The following TOGARAM1 variants were observed in gnomAD, a reference collection of about 807,000 sequenced individuals.
TOGARAM1 encodes TOG array regulator of axonemal microtubules protein 1.
TOGARAM1 carries 100 observed loss-of-function variants against 166.6 expected under a neutral mutation model. That is an observed-to-expected ratio of 0.60 (90% CI 0.51 to 0.71). The LOEUF is 0.71. Among genes scored for constraint, TOGARAM1 ranks in the 30% least tolerant of loss-of-function variants. The pLI, the probability that TOGARAM1 is intolerant of heterozygous loss-of-function variation, is 0.00. For synonymous variants in TOGARAM1, 758 were observed against 763.8 expected (o/e 0.99, Z 0.13); for missense variants, 2,029 against 2,102.7 (o/e 0.96, Z 0.69).
chr14:45,001,830 A>G (rs891420047), intron 3 of TOGARAM1, among the ~76,000 whole-genome samples: 1 of 152,186 alleles, frequency 6.6e-6, no homozygotes, highest in Non-Finnish European at 1.5e-5. Context: ...CCTAAAAGCT[A>G]CCCTTTCAGA....
chr14:45,031,819 A>G (rs1347206611), intron 10 of TOGARAM1, among the ~76,000 whole-genome samples: 3 of 152,232 alleles, frequency 2.0e-5, no homozygotes, highest in South Asian at 2.1e-4. Flanking sequence ...TTTCCATAAT[A>G]AATATTCATC....
chr14:45,037,416 G>A (rs139643060), intron 11 of TOGARAM1, among the ~76,000 whole-genome samples: 167 of 152,234 alleles, frequency 1.1e-3, no homozygotes, highest in African/African-American at 3.4e-3. Context: ...ACACATTCAC[G>A]TATCAATCAC....
intron 7 of TOGARAM1, among the ~76,000 whole-genome samples, chr14:45,019,818 C>G (rs1412607353): frequency 6.6e-6 from 1 of 152,160 alleles, no homozygotes. Flanking sequence ...CTCAGTCCGC[C>G]CTCTCAACAG....
At chr14:45,054,401 G>A (rs1350120665) in intron 15 of TOGARAM1, 30 bp from the exon 16 acceptor site, 6 of 1,384,616 alleles carry the variant, frequency 4.3e-6, no homozygotes, top group Non-Finnish European at 5.0e-6. Context: ...TTTAAAATTT[G>A]TATTATACTA....
chr14:45,022,137 G>A (rs534022917), intron 7 of TOGARAM1, among the ~76,000 whole-genome samples: 5 of 152,036 alleles, frequency 3.3e-5, no homozygotes, highest in East Asian at 3.9e-4. Flanking sequence ...TGACATCTGC[G>A]ATAGTCCCTG....
chr14:44,969,804 A>G (rs1199729320), intron 1 of TOGARAM1, among the ~76,000 whole-genome samples: 1 of 152,196 alleles, frequency 6.6e-6, no homozygotes, highest in Non-Finnish European at 1.5e-5. Context: ...TGTTGACAAC[A>G]CTGTCTTTAC....
intron 7 of TOGARAM1, among the ~76,000 whole-genome samples, chr14:45,024,653 C>G (rs1880721551): frequency 6.6e-6 from 1 of 151,924 alleles, no homozygotes; most frequent in African/African-American, 2.4e-5. Context: ...ATTTTTTTCT[C>G]TTTGTCACAG....
chr14:45,017,406 A>AACACACACACAC (rs113544622), intron 7 of TOGARAM1, among the ~76,000 whole-genome samples: 41 of 145,240 alleles, frequency 2.8e-4, no homozygotes, highest in African/African-American at 9.7e-4. Flanking sequence ...ATGCACACAA[A>AACACACACACAC]ACACACACAC....
At chr14:44,980,395 G>A (rs957069262) in intron 1 of TOGARAM1, among the ~76,000 whole-genome samples, 1 of 152,180 alleles carries the variant, frequency 6.6e-6, no homozygotes, top group African/African-American at 2.4e-5. Flanking sequence ...AGGCCGGGCG[G>A]GTGGCTTACA....
At chr14:45,040,320 A>G (rs1233207311) in intron 11 of TOGARAM1, among the ~76,000 whole-genome samples, 3 of 152,238 alleles carry the variant, frequency 2.0e-5, no homozygotes, top group Non-Finnish European at 4.4e-5. Context: ...AAAGAGGAAT[A>G]TGTCACAGTA....
chr14:44,990,917 G>A (rs899974099), intron 1 of TOGARAM1, among the ~76,000 whole-genome samples: 7 of 147,358 alleles, frequency 4.8e-5, no homozygotes, highest in African/African-American at 1.8e-4. Flanking sequence ...CCAAAATGCA[G>A]GGATTACAGG....
chr14:45,066,566 C>T lies in TOGARAM1; in HGVS notation c.4560-12C>T. ...TACAAATGAAATTACCTTCACCTTTCTTTCACTTTAGAGCTGTAACTGAAG... is the reference window on the plus strand; with the variant it reads ...TACAAATGAAATTACCTTCACCTTTTTTTCACTTTAGAGCTGTAACTGAAG... On this transcript the variant is annotated splice_polypyrimidine_tract_variant and intron_variant, in intron 16 of 19. Coordinates refer to ENST00000361462, the MANE Select transcript of TOGARAM1 (RefSeq NM_001308120.2). 6.3e-7 allele frequency: 1 copy of T among 1,575,668 alleles called. No homozygotes were observed. Among genetic ancestry groups the T allele is most frequent in the African/African-American group, 1.4e-5 (1 of 73,712 alleles).
chr14:44,972,963 G>A (rs1479190448), intron 1 of TOGARAM1, among the ~76,000 whole-genome samples: 1 of 152,088 alleles, frequency 6.6e-6, no homozygotes, highest in African/African-American at 2.4e-5. Context: ...TAAAGTGGCA[G>A]TCTTGAATAA....
At chr14:45,042,582 T>G (rs562902703) in intron 11 of TOGARAM1, among the ~76,000 whole-genome samples, 1 of 152,228 alleles carries the variant, frequency 6.6e-6, no homozygotes, top group South Asian at 2.1e-4. Context: ...ATATTATAAT[T>G]GTATAAGGTA....
chr14:45,015,644 C>T (rs1198248001), intron 7 of TOGARAM1, among the ~76,000 whole-genome samples: 3 of 150,068 alleles, frequency 2.0e-5, no homozygotes, highest in African/African-American at 7.4e-5. Flanking sequence ...AGGCACTGTG[C>T]GGAGCCCTTT....
chr14:45,005,058 G>A (rs1200827263), intron 4 of TOGARAM1, among the ~76,000 whole-genome samples: 1 of 151,814 alleles, frequency 6.6e-6, no homozygotes, highest in East Asian at 2.0e-4. Context: ...TGGGGTTATA[G>A]GCATGCGCCA....
chr14:45,049,580 C>T (rs1882256994), intron 14 of TOGARAM1, among the ~76,000 whole-genome samples: 1 of 151,956 alleles, frequency 6.6e-6, no homozygotes, highest in South Asian at 2.1e-4. Flanking sequence ...TTCTTTTAAG[C>T]GCTCGTTTGA....
At chr14:45,033,970 A>G (rs1024499458) in intron 11 of TOGARAM1, among the ~76,000 whole-genome samples, 1 of 152,164 alleles carries the variant, frequency 6.6e-6, no homozygotes, top group Admixed American at 6.5e-5. Context: ...CCTGGCCAAC[A>G]TGGTAAAACC....
intron 11 of TOGARAM1, among the ~76,000 whole-genome samples, chr14:45,033,095 C>CA (rs1242615197): frequency 1.3e-5 from 2 of 151,510 alleles, no homozygotes; most frequent in Non-Finnish European, 2.9e-5. Context: ...ACTAAAAATA[C>CA]AAAAAAAATT....
Sources: allele counts gnomAD v4.1 joint callset (sites outside exome capture counted in the v4.1 genomes callset), GRCh38; gene constraint gnomAD v4.1.1; transcripts MANE v1.5; gene names NCBI Gene and HGNC (gene_info 2026-07-23, HGNC 2026-07-21).